The following SLC18A2 variants were observed in gnomAD, a reference collection of about 807,000 sequenced individuals.
SLC18A2 encodes the protein solute carrier family 18 member A2.
Under a neutral mutation model 59.2 loss-of-function variants are expected in SLC18A2, and 33 were observed. That is an observed-to-expected ratio of 0.56 (90% CI 0.42 to 0.75). The LOEUF (loss-of-function observed/expected upper bound fraction) is 0.75, where lower values mean the gene tolerates loss of function less well. Among genes scored for constraint, SLC18A2 ranks in the 30% least tolerant of loss-of-function variants. SLC18A2 has a pLI of 0.00. For synonymous variants in SLC18A2, 228 were observed against 253.5 expected, an observed-to-expected ratio of 0.90 and a Z score of 0.95; for missense variants, 569 against 668.6, an observed-to-expected ratio of 0.85 and a Z score of 1.64.
intron 3 of SLC18A2, among the ~76,000 whole-genome samples, chr10:117,245,848 G>A (rs530090346): frequency 6.6e-6 from 1 of 152,270 alleles, no homozygotes; most frequent in Admixed American, 6.5e-5. Context: ...CTCAACATCT[G>A]CAGTTGAATT....
chr10:117,254,016 G>A (rs374657712), intron 4 of SLC18A2, 32 bp from the exon 5 acceptor site: 13 of 1,603,594 alleles, frequency 8.1e-6, no homozygotes, highest in Non-Finnish European at 1.1e-5. Context: ...CAGCAGCACT[G>A]ATGTGCGGTC....
At chr10:117,277,057 A>C (rs1844506901) in intron 15 of SLC18A2, 105 bp from the exon 16 acceptor site, 1 of 649,470 alleles carries the variant, frequency 1.5e-6, no homozygotes, top group Non-Finnish European at 2.6e-6. Context: ...ATAGCAAGTA[A>C]TACTACATAG....
At chr10:117,241,382 G>A (rs1401425963) in intron 1 of SLC18A2, among the ~76,000 whole-genome samples, 162 bp downstream of exon 1, 1 of 151,816 alleles carries the variant, frequency 6.6e-6, no homozygotes, top group Non-Finnish European at 1.5e-5. Context: ...GCACGGGGCC[G>A]AGCGTGCAGT....
chr10:117,244,779 T>A (rs571694490), intron 3 of SLC18A2, among the ~76,000 whole-genome samples: 1 of 152,326 alleles, frequency 6.6e-6, no homozygotes, highest in Non-Finnish European at 1.5e-5. Flanking sequence ...CTCTCACAGA[T>A]ACCAGGTAGG....
Position 117,267,125 on chromosome 10 carries a change from T to C in SLC18A2, c.1122+90T>C, listed in dbSNP as rs1335599330. 1.7e-5 allele frequency: 17 copies of C among 971,776 alleles called. 1 individual carries two copies. In the East Asian group the frequency reaches 4.1e-4, roughly 24 times the overall value. The allele number at this position is 971,776 out of a possible 1,614,324, so 60.2% of individuals were successfully genotyped here. On this transcript the variant is annotated intron_variant, in intron 12 of 15. Coordinates refer to ENST00000644641, the MANE Select transcript of SLC18A2 (RefSeq NM_003054.6). ...GAATCACCAAGAAACATTTTACGTT[T>C]GAGTTTGTTGATGTTTTATTACAGC...
intron 10 of SLC18A2, among the ~76,000 whole-genome samples, chr10:117,265,701 G>C (rs363226): frequency 0.67 from 101,539 of 151,832 alleles, 34,310 homozygotes; most frequent in East Asian, 0.88. Flanking sequence ...GCGGAGGACA[G>C]GTTCAAGGCC....
At chr10:117,273,952 C>G (rs1844455285) in intron 15 of SLC18A2, among the ~76,000 whole-genome samples, 1 of 152,162 alleles carries the variant, frequency 6.6e-6, no homozygotes, top group Non-Finnish European at 1.5e-5. Flanking sequence ...AAATGCCAAT[C>G]CTCTCCTATT....
chr10:117,267,068 C>G, intron 12 of SLC18A2, 33 bp downstream of exon 12: 4 of 1,536,416 alleles, frequency 2.6e-6, no homozygotes, highest in Non-Finnish European at 3.6e-6. Flanking sequence ...CAAGTGGGAA[C>G]AATCTGTGAA....
chr10:117,266,508 G>A lies in SLC18A2; in HGVS notation c.992-225G>A, dbSNP rs555636597. On this transcript the variant is annotated intron_variant, in intron 10 of 15. Transcript: ENST00000644641. ...TGGAGGCAAGATGAAGCAGTTGATA[G>A]AGAAAGGACTTTCATTTCTGGAGTG... Among the ~76,000 whole-genome samples, 19 of 152,344 alleles carry A rather than the reference G, an allele frequency of 1.2e-4. No homozygotes were observed. In the South Asian group the frequency reaches 3.1e-3, roughly 25 times the overall value.
intron 10 of SLC18A2, among the ~76,000 whole-genome samples, chr10:117,264,918 T>C (rs908716691): frequency 2.0e-5 from 3 of 152,160 alleles, no homozygotes; most frequent in Non-Finnish European, 2.9e-5. Flanking sequence ...ATGACACCTG[T>C]GTTTTTGTTA....
intron 4 of SLC18A2, 95 bp downstream of exon 4, chr10:117,253,552 CG>C (rs1249345495): frequency 3.3e-4 from 6 of 18,392 alleles, no homozygotes; most frequent in Admixed American, 2.4e-3. Context: ...CTAAGGACGG[CG>C]GGGGGGCGGG....
intron 3 of SLC18A2, among the ~76,000 whole-genome samples, chr10:117,250,439 T>C (rs915218598): frequency 6.6e-6 from 1 of 152,206 alleles, no homozygotes; most frequent in Non-Finnish European, 1.5e-5. Context: ...AGCTGTGATA[T>C]TCGTTTATTC....
In SLC18A2 at chr10:117,272,079, T is replaced by C. The variant is rs117165552; in HGVS notation, c.1440+1616T>C. 4.0e-4 allele frequency among the ~76,000 whole-genome samples: 61 copies of C among 152,300 alleles called. No homozygotes were observed. The East Asian group carries it at 0.012, about 29-fold the overall frequency. On this transcript the variant is annotated intron_variant, in intron 15 of 15. Coordinates refer to ENST00000644641, the MANE Select transcript of SLC18A2 (RefSeq NM_003054.6). ...CCACCATGTAGAGGCTTATGAGTCTTGGTTTCCTCCTCTGTTGCATGGAGA... is the reference window on the plus strand; with the variant it reads ...CCACCATGTAGAGGCTTATGAGTCTCGGTTTCCTCCTCTGTTGCATGGAGA...
chr10:117,249,447 A>T (rs546924035), intron 3 of SLC18A2, among the ~76,000 whole-genome samples: 8 of 152,230 alleles, frequency 5.3e-5, no homozygotes, highest in Non-Finnish European at 1.0e-4. Flanking sequence ...CAAACCTCCT[A>T]CTATATCCAG....
Position 117,244,114 on chromosome 10 carries a change from A to T in SLC18A2, c.265A>T (p.Thr89Ser), listed in dbSNP as rs774396480. The T allele has an allele frequency of 6.2e-7, 1 of 1,614,234 alleles. No homozygotes were observed. Among genetic ancestry groups the T allele is most frequent in the Admixed American group, 1.7e-5 (1 of 60,026 alleles). The change falls in exon 3 of 16, where the codon ACC (threonine) becomes TCC (serine). Residue 89 changes from threonine (T) to serine (S), a missense_variant. Transcript: ENST00000644641. ...FSYYDNSTMV[T>S]GNATRDLTLH... ...CTATTATGATAACTCGACTATGGTC[A>T]CCGGGAATGCTACCAGAGACCTGAC...
intron 3 of SLC18A2, among the ~76,000 whole-genome samples, chr10:117,245,566 C>T (rs767225743): frequency 6.6e-6 from 1 of 150,558 alleles, no homozygotes; most frequent in Non-Finnish European, 1.5e-5. Flanking sequence ...GGGAGTGGGG[C>T]GCAGGACTGG....
intron 3 of SLC18A2, among the ~76,000 whole-genome samples, chr10:117,247,653 G>A (rs898250512): frequency 6.6e-6 from 1 of 152,204 alleles, no homozygotes; most frequent in East Asian, 1.9e-4. Flanking sequence ...AATGAGCAGA[G>A]AGTTTAGAAA....
chr10:117,273,862 T>C (rs1375079877), intron 15 of SLC18A2, among the ~76,000 whole-genome samples: 1 of 152,210 alleles, frequency 6.6e-6, no homozygotes, highest in East Asian at 1.9e-4. Flanking sequence ...TTTGTACCAC[T>C]TAGGAGATCC....
In SLC18A2 at chr10:117,255,514, C is replaced by T; in HGVS notation, c.826C>T (p.Gln276Ter). The change falls in exon 8 of 16, where the codon CAG becomes TAG. Residue 276 changes from glutamine (Q) to a stop codon, truncating the protein, a stop_gained. Transcript: ENST00000644641. LOFTEE classifies it high-confidence loss of function. ...QLFVLQPSRV[Q>*]PESQKGTPLT... is the part of the protein sequence containing the mutation. Reference sequence around the variant, plus strand: ...CTTTGTGCTCCAGCCGTCCCGGGTGCAGCCAGAGGTAAGCGGCTGGGAATG... The same window carrying T: ...CTTTGTGCTCCAGCCGTCCCGGGTGTAGCCAGAGGTAAGCGGCTGGGAATG... 6.2e-7 allele frequency: 1 copy of T among 1,614,090 alleles called. No individual in the cohort carries two copies. The highest frequency in any genetic ancestry group is 8.5e-7 in the Non-Finnish European group (1 of 1,180,028).
Sources: allele counts gnomAD v4.1 joint callset (sites outside exome capture counted in the v4.1 genomes callset), GRCh38; gene constraint gnomAD v4.1.1; transcripts MANE v1.5; gene names NCBI Gene and HGNC (gene_info 2026-07-23, HGNC 2026-07-21).